The following ZFAND3 variants were observed in gnomAD, a reference collection of about 807,000 sequenced individuals.
ZFAND3 encodes the protein zinc finger AN1-type containing 3.
In ZFAND3, 10 loss-of-function variants were observed where a neutral mutation model predicts 29.6. The observed-to-expected ratio is 0.34, with a 90% confidence interval of 0.21 to 0.57. ZFAND3 has a LOEUF of 0.57. Ranked by LOEUF, ZFAND3 falls within the 20% of genes least tolerant of loss-of-function variation. The probability of loss-of-function intolerance (pLI) is 0.86; values close to 1 mark genes in which losing one functional copy is unlikely to be tolerated. For synonymous variants in ZFAND3, 128 were observed against 112.6 expected, an observed-to-expected ratio of 1.14 and a Z score of -0.87; for missense variants, 230 against 304.5, an observed-to-expected ratio of 0.76 and a Z score of 1.82.
chr6:37,984,903 AC>A (rs1175782434), intron 2 of ZFAND3, among the ~76,000 whole-genome samples: 1 of 152,216 alleles, frequency 6.6e-6, no homozygotes, highest in Non-Finnish European at 1.5e-5. Context: ...TGTATGTGTT[AC>A]GTGTTCATGG....
intron 4 of ZFAND3, among the ~76,000 whole-genome samples, chr6:38,112,143 T>C (rs1765333050): frequency 6.6e-6 from 1 of 152,238 alleles, no homozygotes; most frequent in Admixed American, 6.5e-5. Context: ...CTAGATCTGA[T>C]GTGATATCTT....
intron 1 of ZFAND3, among the ~76,000 whole-genome samples, chr6:37,830,718 A>G (rs945455176): frequency 1.3e-5 from 2 of 152,048 alleles, no homozygotes; most frequent in African/African-American, 4.8e-5. Context: ...TATTAATTCC[A>G]TTCCTTGGGA....
intron 2 of ZFAND3, chr6:38,003,278 G>T: frequency 6.5e-6 from 1 of 153,560 alleles, no homozygotes. Context: ...TCTCATAAGT[G>T]TGCTTCTGAC....
At chr6:38,073,528 G>A (rs1338298039) in intron 3 of ZFAND3, among the ~76,000 whole-genome samples, 4 of 152,208 alleles carry the variant, frequency 2.6e-5, no homozygotes, top group Non-Finnish European at 4.4e-5. Flanking sequence ...TTTTGTATTC[G>A]TATTAAATAT....
At chr6:38,144,218 A>AATAT (rs1394446695) in intron 5 of ZFAND3, among the ~76,000 whole-genome samples, 7 of 31,444 alleles carry the variant, frequency 2.2e-4, no homozygotes, top group African/African-American at 1.3e-3. Context: ...TATAATATAT[A>AATAT]ATATATATAT....
chr6:38,069,498 CTT>C (rs1764410853), intron 3 of ZFAND3, among the ~76,000 whole-genome samples: 1 of 152,140 alleles, frequency 6.6e-6, no homozygotes, highest in Admixed American at 6.5e-5. Flanking sequence ...TTAAATGTCT[CTT>C]TTGATTTTAA....
chr6:37,991,053 C>T (rs1357412747), intron 2 of ZFAND3, among the ~76,000 whole-genome samples: 2 of 152,128 alleles, frequency 1.3e-5, no homozygotes, highest in Non-Finnish European at 2.9e-5. Flanking sequence ...ACTTATAACC[C>T]AATGTCCTTT....
At chr6:38,014,574 G>A (rs1033391063) in intron 2 of ZFAND3, among the ~76,000 whole-genome samples, 6 of 152,128 alleles carry the variant, frequency 3.9e-5, no homozygotes, top group East Asian at 3.8e-4. Context: ...TGATCTACCC[G>A]CCTCAGCCTC....
chr6:38,021,832 C>T (rs1050734371), intron 2 of ZFAND3, among the ~76,000 whole-genome samples: 1 of 152,240 alleles, frequency 6.6e-6, no homozygotes, highest in South Asian at 2.1e-4. Flanking sequence ...TTTCTGAGAC[C>T]TTCAGTGTGA....
chr6:38,134,151 GGGTCCACAGCATGGTCACCTTTT>G (rs1392400239), intron 5 of ZFAND3, among the ~76,000 whole-genome samples: 19 of 152,128 alleles, frequency 1.2e-4, no homozygotes, highest in Admixed American at 2.6e-4. Flanking sequence ...CTGGAAAACC[GGGTCCACAGCATGGTCACCTTTT>G]GGTCTCCCGC....
At chr6:38,011,538 T>G (rs1365394645) in intron 2 of ZFAND3, among the ~76,000 whole-genome samples, 1 of 152,234 alleles carries the variant, frequency 6.6e-6, no homozygotes, top group Non-Finnish European at 1.5e-5. Context: ...TTTGTATTTT[T>G]AATTTTAATT....
intron 1 of ZFAND3, among the ~76,000 whole-genome samples, chr6:37,878,747 C>T (rs898061055): frequency 3.9e-5 from 6 of 152,156 alleles, no homozygotes; most frequent in African/African-American, 1.4e-4. Context: ...TTTGTCCTAG[C>T]CTAGTCTGGT....
At chr6:37,950,560 G>A (rs1761980921) in intron 2 of ZFAND3, among the ~76,000 whole-genome samples, 2 of 151,796 alleles carry the variant, frequency 1.3e-5, no homozygotes, top group African/African-American at 4.8e-5. Context: ...TTGTATTTTT[G>A]TGGAGATGGG....
chr6:37,913,885 T>A (rs1201189410), intron 1 of ZFAND3, among the ~76,000 whole-genome samples: 2 of 151,844 alleles, frequency 1.3e-5, no homozygotes, highest in Admixed American at 6.6e-5. Flanking sequence ...TAATTTTTTT[T>A]ATTTTATTTT....
chr6:38,129,572 A>G (rs2127490704), intron 5 of ZFAND3, among the ~76,000 whole-genome samples: 1 of 152,298 alleles, frequency 6.6e-6, no homozygotes, highest in African/African-American at 2.4e-5. Context: ...CCGTTTGTTG[A>G]AAAGGGTGTC....
intron 5 of ZFAND3, among the ~76,000 whole-genome samples, chr6:38,127,731 C>T (rs758841958): frequency 2.0e-5 from 3 of 150,920 alleles, no homozygotes; most frequent in African/African-American, 7.3e-5. Flanking sequence ...AAACCAAGAT[C>T]GAAAAGGTAG....
intron 1 of ZFAND3, among the ~76,000 whole-genome samples, chr6:37,845,063 A>ATGGGCTCAGT (rs1170911849): frequency 2.3e-4 from 35 of 151,502 alleles, no homozygotes; most frequent in African/African-American, 8.5e-4. Context: ...CTCACAGTTG[A>ATGGGCTCAGT]TGGGCTCAGT....
At chr6:38,119,890 G>C (rs1156668100) in intron 5 of ZFAND3, among the ~76,000 whole-genome samples, 2 of 152,182 alleles carry the variant, frequency 1.3e-5, no homozygotes, top group Non-Finnish European at 2.9e-5. Context: ...TAATTGCCAA[G>C]ACACTTCATG....
At chr6:38,126,642 T>G (rs2127489367) in intron 5 of ZFAND3, among the ~76,000 whole-genome samples, 1 of 152,138 alleles carries the variant, frequency 6.6e-6, no homozygotes, top group Middle Eastern at 3.4e-3. Flanking sequence ...ATTTCCCTAA[T>G]GACCAATGAT....
Sources: allele counts gnomAD v4.1 joint callset (sites outside exome capture counted in the v4.1 genomes callset), GRCh38; gene constraint gnomAD v4.1.1; transcripts MANE v1.5; gene names NCBI Gene and HGNC (gene_info 2026-07-23, HGNC 2026-07-21).